The following TRPM7 variants were observed in gnomAD, a reference collection of about 807,000 sequenced individuals.
The protein encoded by TRPM7 is transient receptor potential cation channel subfamily M member 7, also known as LTRPC ion channel family member 7.
TRPM7 carries 134 observed loss-of-function variants against 229.7 expected under a neutral mutation model. The ratio of observed to expected loss-of-function variants is 0.58; its 90% CI spans 0.51 to 0.67. TRPM7 has a LOEUF of 0.67. Ranked by LOEUF, TRPM7 falls within the 30% of genes least tolerant of loss-of-function variation. TRPM7 has a pLI of 0.00. For missense variants in TRPM7, 1,901 were observed against 2,210.0 expected (o/e 0.86, Z 2.80); for synonymous variants, 699 against 715.2 (o/e 0.98, Z 0.36).
At chr15:50,600,721 C>G (rs956435176) in intron 21 of TRPM7, among the ~76,000 whole-genome samples, 1 of 152,114 alleles carries the variant, frequency 6.6e-6, no homozygotes, top group Non-Finnish European at 1.5e-5. Context: ...AATAAGTAGT[C>G]AAGGCCGGAT....
chr15:50,658,571 CAAAA>C (rs774950805), intron 2 of TRPM7, among the ~76,000 whole-genome samples: 1 of 101,816 alleles, frequency 9.8e-6, no homozygotes. Flanking sequence ...GAAACTGTCT[CAAAA>C]AAAAAAAAAA....
chr15:50,597,058 A>C (rs928229432), intron 22 of TRPM7, among the ~76,000 whole-genome samples: 1 of 152,238 alleles, frequency 6.6e-6, no homozygotes, highest in Non-Finnish European at 1.5e-5. Flanking sequence ...TGGTTGACTC[A>C]TAGCAAAACA....
Position 50,561,330 on chromosome 15 carries a change from T to G in TRPM7, c.*348A>C, listed in dbSNP as rs2053302249. ...AAAACAGCTGCCAATAAAATCTGCA[T>G]GGACACCTACCTTTGGTTAATGGTA... On this transcript the variant is annotated 3_prime_UTR_variant, in exon 39 of 39. Coordinates refer to ENST00000646667, the MANE Select transcript of TRPM7 (RefSeq NM_017672.6). 5.6e-6 allele frequency: 1 copy of G among 179,352 alleles called. No homozygotes were observed. The highest frequency in any genetic ancestry group is 2.4e-5 in the African/African-American group (1 of 42,532). 11.1% of individuals were successfully genotyped at this position (179,352 alleles called of 1,614,324 possible).
In TRPM7 at chr15:50,628,195, A is replaced by G. The variant is rs951117153; in HGVS notation, c.1259T>C (p.Val420Ala). 14 of 1,613,428 alleles carry G rather than the reference A, an allele frequency of 8.7e-6. No homozygotes were observed. Among genetic ancestry groups the G allele is most frequent in the Admixed American group, 1.7e-5 (1 of 59,996 alleles). ...QLILTLAWDR[V>A]DIAKNHVFVY... is the part of the protein sequence containing the mutation. ...AAATACATGATTTTTGGCAATGTCA[A>G]CTCTATCCCATGCCAATGTAAGGAT... The change falls in exon 11 of 39, where the codon GTT (valine) becomes GCT (alanine). Residue 420 changes from valine to alanine, a missense_variant. Val to Ala is a moderately conservative substitution (Grantham distance 64, BLOSUM62 0). Around this residue, in one of 8 missense-constraint regions of TRPM7, gnomAD observed 794 missense variants for 881.9 expected, o/e 0.90. Coordinates refer to ENST00000646667, the MANE Select transcript of TRPM7 (RefSeq NM_017672.6).
rs544861703 is a variant in TRPM7 at position 50,607,294 on chromosome 15, A to G, written c.2615T>C (p.Phe872Ser). Residue 872 changes from phenylalanine to serine, a missense_variant, in exon 20 of 39, where the codon TTT becomes TCT. Phe to Ser is a radical substitution (Grantham distance 155, BLOSUM62 -2). This residue lies in a region of TRPM7 where 207 missense variants were observed against 241.5 expected (regional missense o/e 0.86). Coordinates refer to ENST00000646667, the MANE Select transcript of TRPM7 (RefSeq NM_017672.6). ...AYLGFLMLYT[F>S]VVLVQMEQLP... ...CTGTTCCATTTGTACAAGAACCACA[A>G]ATGTATAAAGCATCAGAAATCCTAA... The G allele has an allele frequency of 6.2e-7, 1 of 1,604,656 alleles. No homozygotes were observed. The highest frequency in any genetic ancestry group is 8.5e-7 in the Non-Finnish European group (1 of 1,175,422).
chr15:50,679,993 G>C (rs1050400820), intron 1 of TRPM7, among the ~76,000 whole-genome samples: 10 of 150,720 alleles, frequency 6.6e-5, no homozygotes, highest in Admixed American at 4.0e-4. Flanking sequence ...CAGCACTTTG[G>C]GGGGCCAAGG....
intron 26 of TRPM7, among the ~76,000 whole-genome samples, chr15:50,590,509 G>A (rs1012396611): frequency 2.0e-5 from 3 of 152,132 alleles, no homozygotes; most frequent in African/African-American, 7.2e-5. Context: ...CACTGAACAT[G>A]CTGATACTTA....
At chr15:50,587,534 T>A (rs554548893) in intron 27 of TRPM7, among the ~76,000 whole-genome samples, 2 of 151,188 alleles carry the variant, frequency 1.3e-5, no homozygotes, top group African/African-American at 4.8e-5. Flanking sequence ...TATCAAGGAG[T>A]ACCTGCCACT....
intron 14 of TRPM7, 101 bp from the exon 15 acceptor site, chr15:50,613,942 C>T (rs1459113649): frequency 3.5e-6 from 5 of 1,413,348 alleles, no homozygotes; most frequent in Middle Eastern, 1.9e-4. Flanking sequence ...TGTTTGTGTA[C>T]ACACACAAAA....
At chr15:50,621,792 A>G (rs1347863513) in intron 12 of TRPM7, among the ~76,000 whole-genome samples, 1 of 152,144 alleles carries the variant, frequency 6.6e-6, no homozygotes, top group Non-Finnish European at 1.5e-5. Context: ...GCACTTTGGG[A>G]GGTCGAGGCA....
chr15:50,658,092 C>T (rs1407460072), intron 2 of TRPM7, among the ~76,000 whole-genome samples: 1 of 151,424 alleles, frequency 6.6e-6, no homozygotes, highest in Non-Finnish European at 1.5e-5. Flanking sequence ...GCAAGCTCCG[C>T]CTCCCGGGTT....
At chr15:50,679,524 A>G (rs1313161422) in intron 1 of TRPM7, among the ~76,000 whole-genome samples, 6 of 45,680 alleles carry the variant, frequency 1.3e-4, no homozygotes, top group African/African-American at 6.3e-4. Context: ...ATATATATAT[A>G]TATATATATA....
chr15:50,680,641 G>T (rs1411963102), intron 1 of TRPM7, among the ~76,000 whole-genome samples: 1 of 151,268 alleles, frequency 6.6e-6, no homozygotes, highest in South Asian at 2.1e-4. Flanking sequence ...ACAGAAATTT[G>T]ATAGTAAAGG....
chr15:50,602,239 T>C (rs565127323), intron 21 of TRPM7, among the ~76,000 whole-genome samples: 18 of 152,230 alleles, frequency 1.2e-4, no homozygotes, highest in African/African-American at 4.3e-4. Context: ...TGCAGGAACA[T>C]GGATGCAGCT....
intron 7 of TRPM7, 49 bp downstream of exon 7, chr15:50,637,373 G>C (rs1267274266): frequency 6.4e-7 from 1 of 1,552,144 alleles, no homozygotes; most frequent in Non-Finnish European, 8.8e-7. Flanking sequence ...TTGGCTATTA[G>C]TACAGCCCAG....
chr15:50,563,816 T>C (rs2053439098), intron 38 of TRPM7, among the ~76,000 whole-genome samples: 1 of 152,146 alleles, frequency 6.6e-6, no homozygotes, highest in South Asian at 2.1e-4. Context: ...TTTTTTAAGC[T>C]CATCAGCTAT....
chr15:50,627,478 T>A (rs2060598425), intron 11 of TRPM7, among the ~76,000 whole-genome samples: 1 of 152,018 alleles, frequency 6.6e-6, no homozygotes. Context: ...CTTGATATGT[T>A]CAAAGAAGAG....
intron 27 of TRPM7, 36 bp from the exon 28 acceptor site, chr15:50,586,524 A>C: frequency 7.1e-7 from 1 of 1,402,668 alleles, no homozygotes; most frequent in Non-Finnish European, 1.0e-6. Flanking sequence ...TTTGAAAATA[A>C]TTGAACTAAA....
At position 50,576,049 on chromosome 15, in the gene TRPM7, T is replaced by A. The variant is rs2054115580; in HGVS notation, c.4619-130A>T. The stretch of plus-strand genomic sequence containing the variant: ...CTGTTCCTCACAAAAACAGAAAAAT[T>A]AGGGATAAAATATGTCCACTGTGCT... On this transcript the variant is annotated intron_variant, in intron 31 of 38. Coordinates refer to ENST00000646667, the MANE Select transcript of TRPM7 (RefSeq NM_017672.6). 3.3e-6 allele frequency: 3 copies of A among 902,164 alleles called. No homozygotes were observed. In the Admixed American group the frequency reaches 8.1e-5, roughly 24 times the overall value. 55.9% of individuals were successfully genotyped at this position (902,164 alleles called of 1,614,324 possible).
Sources: gnomAD v4.1 joint callset for allele counts (sites outside exome capture counted in the v4.1 genomes callset) on GRCh38, gnomAD v4.1.1 for gene constraint, gnomAD v4.1.1 regional missense constraint, MANE v1.5 for transcripts, NCBI Gene and HGNC (gene_info 2026-07-23, HGNC 2026-07-21) for gene names.